Variants in AATF observed in about 807,000 individuals in gnomAD.
AATF encodes the protein apoptosis antagonizing transcription factor, also known as protein AATF.
A neutral mutation model predicts 63.7 loss-of-function variants in AATF; 48 were observed. That is an observed-to-expected ratio of 0.75 (90% CI 0.60 to 0.96). The LOEUF is 0.96. AATF is among the 40% of genes least tolerant of loss of function. AATF has a pLI of 0.00. For synonymous variants in AATF, 258 were observed against 247.7 expected (o/e 1.04, Z -0.39); for missense variants, 639 against 685.7 (o/e 0.93, Z 0.76).
chr17:36,961,768 G>A (rs1203115428), intron 4 of AATF, among the ~76,000 whole-genome samples: 2 of 151,834 alleles, frequency 1.3e-5, no homozygotes, highest in Non-Finnish European at 1.5e-5. Context: ...CTGCCCCGCC[G>A]GGTTTAAGCA....
At chr17:37,019,537 C>A (rs745714268) in intron 9 of AATF, among the ~76,000 whole-genome samples, 1 of 152,162 alleles carries the variant, frequency 6.6e-6, no homozygotes, top group Non-Finnish European at 1.5e-5. Flanking sequence ...TGGAACGTGG[C>A]AGCATTACCC....
intron 10 of AATF, among the ~76,000 whole-genome samples, chr17:37,027,296 T>C (rs1227002049): frequency 7.9e-5 from 12 of 152,194 alleles, no homozygotes; most frequent in Non-Finnish European, 1.5e-4. Context: ...GACGTCTTAC[T>C]GTGTTGGTCT....
rs1414501088 is a variant in AATF at position 36,953,297 on chromosome 17, G to A, written c.694+1G>A. The A allele has an allele frequency of 3.7e-6, 6 of 1,610,314 alleles. No individual in the cohort carries two copies. The highest frequency in any genetic ancestry group is 5.1e-6 in the Non-Finnish European group (6 of 1,177,364). On this transcript the variant is annotated splice_donor_variant, in intron 3 of 11. Coordinates refer to ENST00000619387, the MANE Select transcript of AATF (RefSeq NM_012138.4). LOFTEE classifies it high-confidence loss of function. ...GGAAGAGCCGTGAAGAACCAGATAGGTTTGTACATGGTTTTGCTGATTGCC... is the reference window on the plus strand; with the variant it reads ...GGAAGAGCCGTGAAGAACCAGATAGATTTGTACATGGTTTTGCTGATTGCC...
chr17:36,955,519 T>C (rs1172131908), intron 4 of AATF, among the ~76,000 whole-genome samples: 1 of 152,214 alleles, frequency 6.6e-6, no homozygotes, highest in Non-Finnish European at 1.5e-5. Flanking sequence ...TTTGAGATTT[T>C]TGGAGCACTT....
intron 11 of AATF, chr17:37,045,820 C>A (rs902221169): frequency 6.6e-6 from 1 of 152,158 alleles, no homozygotes; most frequent in African/African-American, 2.4e-5. Flanking sequence ...GCTGGTGAAA[C>A]GAGTGGGAGA....
At chr17:37,002,246 A>G (rs1269231196) in intron 8 of AATF, among the ~76,000 whole-genome samples, 1 of 151,804 alleles carries the variant, frequency 6.6e-6, no homozygotes, top group African/African-American at 2.4e-5. Context: ...CCAAAAAACT[A>G]CTAGAGCTAA....
chr17:37,024,279 C>T (rs116857868), intron 10 of AATF, among the ~76,000 whole-genome samples: 187 of 152,228 alleles, frequency 1.2e-3, no homozygotes, highest in Non-Finnish European at 4.7e-4. Flanking sequence ...CTCACTGAGC[C>T]TTGAGAGATT....
intron 11 of AATF, chr17:37,052,609 A>G (rs2071762375): frequency 6.6e-6 from 1 of 152,244 alleles, no homozygotes; most frequent in African/African-American, 2.4e-5. Flanking sequence ...ACAGATAGTC[A>G]AGGAGTCAGT....
rs757767089 is a variant in AATF, at chr17:37,056,631, G to T, written c.1650G>T (p.Gln550His). Residue 550 changes from glutamine (Q) to histidine (H), a missense_variant, in exon 12 of 12, where the codon CAG becomes CAT. Physicochemically the swap from Gln to His is conservative, Grantham distance 24. Coordinates refer to ENST00000619387, the MANE Select transcript of AATF (RefSeq NM_012138.4). ...RTELYRSLFG[Q>H]LHPPDEGHGD Reference sequence around the variant, plus strand: ...AACTGTACCGCTCTCTTTTTGGCCAGCTCCACCCTCCCGACGAAGGCCACG... The same window carrying T: ...AACTGTACCGCTCTCTTTTTGGCCATCTCCACCCTCCCGACGAAGGCCACG... 6.2e-7 allele frequency: 1 copy of T among 1,614,168 alleles called. No homozygotes were observed. Among genetic ancestry groups the T allele is most frequent in the African/African-American group, 1.3e-5 (1 of 75,042 alleles).
At chr17:37,033,443 G>A (rs2071566869) in intron 11 of AATF, among the ~76,000 whole-genome samples, 1 of 152,186 alleles carries the variant, frequency 6.6e-6, no homozygotes, top group South Asian at 2.1e-4. Context: ...TTTGATCATA[G>A]TACTATGAAA....
rs565516756 is a variant in AATF at position 37,052,041 on chromosome 17, GCTGCTCCC to G, written c.1620-4555_1620-4548del. 4.0e-3 allele frequency among the ~76,000 whole-genome samples: 608 copies of G among 152,244 alleles called. 3 individuals are homozygous for G. The highest frequency in any genetic ancestry group is 0.013 in the African/African-American group (556 of 41,532). On this transcript the variant is annotated intron_variant, in intron 11 of 11. Transcript: ENST00000619387. ...CCAAGTCCTGTTAATTACTCCGCAG[GCTGCTCCC>G]CTGCATGATACCAGCATGAACGCAT... is the stretch of plus-strand genomic sequence containing the variant.
intron 4 of AATF, among the ~76,000 whole-genome samples, chr17:36,975,544 T>TA (rs1409203989): frequency 3.9e-5 from 6 of 152,230 alleles, no homozygotes; most frequent in Admixed American, 2.0e-4. Context: ...GTTACCTGGC[T>TA]AAACTAAAAT....
intron 4 of AATF, among the ~76,000 whole-genome samples, chr17:36,959,120 G>A (rs1370210316): frequency 1.3e-5 from 2 of 149,982 alleles, no homozygotes; most frequent in Non-Finnish European, 2.9e-5. Context: ...ACTCCAGCCT[G>A]GGCAACGAGC....
chr17:36,988,809 A>G (rs1028450451), intron 6 of AATF, 89 bp downstream of exon 6: 1 of 1,253,654 alleles, frequency 8.0e-7, no homozygotes, highest in Non-Finnish European at 1.1e-6. Context: ...GCTCATTTAT[A>G]TGGATGTTGT....
intron 6 of AATF, among the ~76,000 whole-genome samples, chr17:36,988,938 A>G (rs2071191454): frequency 6.6e-6 from 1 of 152,196 alleles, no homozygotes; most frequent in African/African-American, 2.4e-5. Context: ...TTATTCTTAA[A>G]ATTGAGGCCT....
At chr17:36,962,033 GAATTGTAACAATTTA>G (rs2070951651) in intron 4 of AATF, among the ~76,000 whole-genome samples, 1 of 152,046 alleles carries the variant, frequency 6.6e-6, no homozygotes, top group Non-Finnish European at 1.5e-5. Flanking sequence ...GCCCCTGGAA[GAATTGTAACAATTTA>G]AATTCTCATC....
chr17:37,019,154 A>G (rs1437603878), intron 9 of AATF, 82 bp downstream of exon 9: 5 of 1,109,618 alleles, frequency 4.5e-6, no homozygotes, highest in Non-Finnish European at 5.5e-6. Flanking sequence ...TCTACCTGCA[A>G]AGCAATGATT....
chr17:36,986,829 T>A, intron 5 of AATF, 98 bp downstream of exon 5: 1 of 975,646 alleles, frequency 1.0e-6, no homozygotes, highest in Non-Finnish European at 1.6e-6. Context: ...AGGCAGATAT[T>A]AATGTTAGTA....
intron 8 of AATF, among the ~76,000 whole-genome samples, chr17:37,001,733 C>G (rs1274412707): frequency 3.3e-5 from 5 of 152,088 alleles, no homozygotes; most frequent in Non-Finnish European, 7.4e-5. Context: ...ACTCACTGAC[C>G]AGAGACTGAA....
Sources: allele counts gnomAD v4.1 joint callset (sites outside exome capture counted in the v4.1 genomes callset), GRCh38; gene constraint gnomAD v4.1.1; transcripts MANE v1.5; gene names NCBI Gene and HGNC (gene_info 2026-07-23, HGNC 2026-07-21).